The following ARPC1B variants were observed in gnomAD, a reference collection of about 807,000 sequenced individuals.
The protein encoded by ARPC1B is actin related protein 2/3 complex subunit 1B.
Under a neutral mutation model 46.0 loss-of-function variants are expected in ARPC1B, and 29 were observed. The observed-to-expected ratio is 0.63, with a 90% CI of 0.47 to 0.86. The LOEUF (loss-of-function observed/expected upper bound fraction) is 0.86. Among genes scored for constraint, ARPC1B ranks in the 40% least tolerant of loss-of-function variants. ARPC1B has a pLI of 0.00. For synonymous variants in ARPC1B, 201 were observed against 213.9 expected (o/e 0.94, Z 0.53); for missense variants, 469 against 529.4 (o/e 0.89, Z 1.12).
intron 5 of ARPC1B, 110 bp from the exon 6 acceptor site, chr7:99,390,783 G>C: frequency 1.1e-6 from 1 of 916,270 alleles, no homozygotes; most frequent in Non-Finnish European, 1.6e-6. Flanking sequence ...CTGCAGCCTT[G>C]ACCTCCTGGG....
At chr7:99,375,146 T>C (rs1301673320) in intron 1 of ARPC1B, among the ~76,000 whole-genome samples, 1 of 152,052 alleles carries the variant, frequency 6.6e-6, no homozygotes, top group Non-Finnish European at 1.5e-5. Context: ...GCCCCAAGCT[T>C]CCGCCTCGTG....
intron 5 of ARPC1B, among the ~76,000 whole-genome samples, chr7:99,390,244 C>T (rs1176635993): frequency 6.6e-6 from 1 of 152,184 alleles, no homozygotes; most frequent in Non-Finnish European, 1.5e-5. Context: ...TAGGGGCTTG[C>T]TCTGTTGCCC....
At chr7:99,380,317 G>T (rs1354621428) in intron 1 of ARPC1B, among the ~76,000 whole-genome samples, 1 of 152,078 alleles carries the variant, frequency 6.6e-6, no homozygotes, top group East Asian at 1.9e-4. Flanking sequence ...GGTAAGATGT[G>T]GGGGTTGGGG....
rs989647755 is a variant in ARPC1B, at chr7:99,394,294, G to A, written c.1081-157G>A. The stretch of plus-strand genomic sequence containing the variant: ...GGCCTTGGTGCTCACTGGGGCACCC[G>A]TCTTCAGGGCCGGGATTCCAACCCA... On this transcript the variant is annotated intron_variant, in intron 9 of 9. Transcript: ENST00000646101. The A allele has an allele frequency of 2.1e-5, 22 of 1,032,832 alleles. 1 individual carries two copies. Among genetic ancestry groups the A allele is most frequent in the South Asian group, 2.1e-4 (15 of 73,008 alleles). The allele number at this position is 1,032,832 out of a possible 1,614,324, so 64.0% of individuals were successfully genotyped here.
intron 1 of ARPC1B, 46 bp from the exon 2 acceptor site, chr7:99,385,656 C>A (rs1051362285): frequency 5.2e-6 from 8 of 1,540,612 alleles, no homozygotes; most frequent in Non-Finnish European, 7.1e-6. Context: ...AAGTCAGGGG[C>A]AAGGTTGGGG....
At chr7:99,377,284 C>G (rs1372020874) in intron 1 of ARPC1B, 1 of 152,204 alleles carries the variant, frequency 6.6e-6, no homozygotes, top group Non-Finnish European at 1.5e-5. Flanking sequence ...CAGGCATGAG[C>G]CTCCACGCCT....
At chr7:99,385,527 G>A (rs1794363690) in intron 1 of ARPC1B, among the ~76,000 whole-genome samples, 175 bp from the exon 2 acceptor site, 1 of 152,188 alleles carries the variant, frequency 6.6e-6, no homozygotes. Context: ...CAACATGTCA[G>A]GCCAGTTGGG....
In ARPC1B at chr7:99,389,944, C is replaced by T. The variant is rs148826187; in HGVS notation, c.432C>T (p.Thr144=). 7.8e-4 allele frequency: 1,263 copies of T among 1,614,184 alleles called. 2 individuals carry two copies. The highest frequency in any genetic ancestry group is 1.0e-3 in the Non-Finnish European group (1,217 of 1,180,024). The change falls in exon 5 of 10, where the codon ACC becomes ACT. Residue 144 remains threonine (T), a synonymous_variant. Transcript: ENST00000646101. ...CKHIKKPIRS[T]VLSLDWHPNN... ...ACATCAAGAAGCCCATCCGCTCCAC[C>T]GTCCTCAGCCTGGACTGGCACCCCA...
rs963922382 is a variant in ARPC1B, at chr7:99,374,808, TGG to T, written c.-14+31_-14+32del. 17 of 139,262 alleles carry T rather than the reference TGG, an allele frequency of 1.2e-4. No homozygotes were observed. Among genetic ancestry groups the T allele is most frequent in the Non-Finnish European group, 2.5e-4 (16 of 63,420 alleles). The allele number at this position is 139,262 out of a possible 1,614,324, so 8.6% of individuals were successfully genotyped here. On this transcript the variant is annotated intron_variant, in intron 1 of 9. Transcript: ENST00000646101. This position sits in a 1 kb window ranked among gnomAD's most constrained non-coding sequence, Gnocchi z 5.0. ...TGAGGGCCGTGGGGGCGCCCGGAGG[TGG>T]GGGTCAGGGGAGCCACCTGGAGGTG... is the stretch of plus-strand genomic sequence containing the variant.
intron 1 of ARPC1B, among the ~76,000 whole-genome samples, chr7:99,382,195 T>C (rs1242668802): frequency 3.3e-5 from 5 of 152,068 alleles, no homozygotes; most frequent in Non-Finnish European, 4.4e-5. Flanking sequence ...TCCAGCACTT[T>C]AGGAGGCCGA....
At chr7:99,387,459 C>T (rs2150893425) in intron 3 of ARPC1B, among the ~76,000 whole-genome samples, 1 of 151,670 alleles carries the variant, frequency 6.6e-6, no homozygotes, top group South Asian at 2.1e-4. Context: ...AGAAAGAGGC[C>T]GGGTGCGGTG....
chr7:99,379,541 A>C (rs1280476762), intron 1 of ARPC1B, among the ~76,000 whole-genome samples: 2 of 152,062 alleles, frequency 1.3e-5, no homozygotes, highest in African/African-American at 4.8e-5. Flanking sequence ...ATACAGCCAA[A>C]CCTCTGGATT....
intron 2 of ARPC1B, chr7:99,386,450 A>C: frequency 6.6e-6 from 4 of 606,280 alleles, no homozygotes; most frequent in East Asian, 7.0e-5. Context: ...GGCCAGAGCA[A>C]TAGGGTGGGG....
chr7:99,391,315 AAC>A, intron 7 of ARPC1B, 62 bp downstream of exon 7: 1 of 1,495,158 alleles, frequency 6.7e-7, no homozygotes, highest in Middle Eastern at 2.0e-4. Context: ...AGAGCCCAGC[AAC>A]TCTCATCTCC....
chr7:99,394,564 T>A lies in ARPC1B; in HGVS notation c.*75T>A. 1 of 1,610,096 alleles carries A rather than the reference T, an allele frequency of 6.2e-7. No homozygotes were observed. Among genetic ancestry groups the A allele is most frequent in the Non-Finnish European group, 8.5e-7 (1 of 1,178,136 alleles). On this transcript the variant is annotated 3_prime_UTR_variant, in exon 10 of 10. Coordinates refer to ENST00000646101, the MANE Select transcript of ARPC1B (RefSeq NM_005720.4). The stretch of plus-strand genomic sequence containing the variant: ...AGGGGTCAGGGAGGCTAATGGTTGC[T>A]TTGCTGAATGTTTCTGGGGTACCAA...
At chr7:99,385,108 C>T (rs1385724106) in intron 1 of ARPC1B, among the ~76,000 whole-genome samples, 1 of 151,670 alleles carries the variant, frequency 6.6e-6, no homozygotes, top group African/African-American at 2.4e-5. Flanking sequence ...GTGCCCGCCA[C>T]CACACCCGAC....
At position 99,388,060 on chromosome 7, in the gene ARPC1B, G is replaced by C. The variant is rs1374031054; in HGVS notation, c.191G>C (p.Ser64Thr). 1 of 1,606,234 alleles carries C rather than the reference G, an allele frequency of 6.2e-7. No individual in the cohort carries two copies. Among genetic ancestry groups the C allele is most frequent in the African/African-American group, 1.3e-5 (1 of 74,772 alleles). Residue 64 changes from serine to threonine, a missense_variant, in exon 4 of 10, where the codon AGT (serine) becomes ACT (threonine). Ser to Thr is a moderately conservative substitution (Grantham distance 58). Coordinates refer to ENST00000646101, the MANE Select transcript of ARPC1B (RefSeq NM_005720.4). ...ACAGGCATCGACTGGGCCCCCGAGA[G>C]TAACCGTATTGTGACCTGCGGCACA... Reference protein sequence around the residue: ...QVTGIDWAPESNRIVTCGTDR... With the variant: ...QVTGIDWAPETNRIVTCGTDR...
At chr7:99,386,301 C>G in intron 2 of ARPC1B, 1 of 374,966 alleles carries the variant, frequency 2.7e-6, no homozygotes, top group Admixed American at 3.8e-5. Flanking sequence ...CAAGAAAAAG[C>G]CTTTCGGAGG....
intron 1 of ARPC1B, among the ~76,000 whole-genome samples, chr7:99,383,557 ACTG>A (rs1311391985): frequency 6.6e-6 from 1 of 152,172 alleles, no homozygotes; most frequent in Admixed American, 6.5e-5. Context: ...TCTGATGGTG[ACTG>A]CTGAGAAAAT....
Sources: allele counts gnomAD v4.1 joint callset (sites outside exome capture counted in the v4.1 genomes callset), GRCh38; gene constraint gnomAD v4.1.1; non-coding constraint Gnocchi (gnomAD v3.1); transcripts MANE v1.5; gene names NCBI Gene and HGNC (gene_info 2026-07-23, HGNC 2026-07-21).